The following CEP128 variants were observed in gnomAD, a reference collection of about 807,000 sequenced individuals.
The protein encoded by CEP128 is centrosomal protein 128, also known as centrosomal protein 128kDa.
CEP128 carries 132 observed loss-of-function variants against 156.7 expected under a neutral mutation model. The observed-to-expected ratio is 0.84, with a 90% CI of 0.73 to 0.97. The LOEUF (loss-of-function observed/expected upper bound fraction) is 0.97, where lower values mean the gene tolerates loss of function less well. Ranked by LOEUF, CEP128 falls within the 50% of genes least tolerant of loss-of-function variation. CEP128 has a pLI of 0.00. For missense variants in CEP128, 1,252 were observed against 1,281.9 expected, an observed-to-expected ratio of 0.98 and a Z score of 0.36; for synonymous variants, 469 against 448.9, an observed-to-expected ratio of 1.04 and a Z score of -0.57.
chr14:80,720,587 A>G (rs531535100), intron 19 of CEP128, among the ~76,000 whole-genome samples: 29 of 152,340 alleles, frequency 1.9e-4, no homozygotes, highest in African/African-American at 6.0e-4. Context: ...AGATTGTCCG[A>G]GAAATTATGT....
chr14:80,625,978 T>C (rs748299924), intron 19 of CEP128, among the ~76,000 whole-genome samples: 2 of 152,156 alleles, frequency 1.3e-5, no homozygotes, highest in Non-Finnish European at 2.9e-5. Context: ...TAAAAAGTCA[T>C]AAAATACTAA....
chr14:80,658,371 T>C (rs1895263819), intron 19 of CEP128, among the ~76,000 whole-genome samples: 1 of 152,152 alleles, frequency 6.6e-6, no homozygotes, highest in Admixed American at 6.5e-5. Flanking sequence ...AAATTTCCCT[T>C]GGCTACATTC....
intron 19 of CEP128, among the ~76,000 whole-genome samples, chr14:80,599,265 CTTTTTTTTTTTTT>C (rs375136337): frequency 3.5e-5 from 3 of 85,406 alleles, no homozygotes; most frequent in African/African-American, 1.4e-4. Flanking sequence ...CAGTCATATT[CTTTTTTTTTTTTT>C]TTTTTTTTTT....
rs148615907 is a variant in CEP128, at chr14:80,932,117, T to C, written c.-16+7268A>G. 7.0e-3 allele frequency among the ~76,000 whole-genome samples: 1,063 copies of C among 152,352 alleles called. 8 individuals are homozygous for C. Among genetic ancestry groups the C allele is most frequent in the Non-Finnish European group, 0.011 (755 of 68,032 alleles). ...TCCTTCACCTGGCACTTCTCTCTCC[T>C]GATGCCATGTGAAGAAGGATGTGTT... On this transcript the variant is annotated intron_variant, in intron 2 of 24. Coordinates refer to ENST00000555265, the MANE Select transcript of CEP128 (RefSeq NM_152446.5).
chr14:80,843,026 C>G (rs555907275), intron 9 of CEP128, among the ~76,000 whole-genome samples: 1 of 151,176 alleles, frequency 6.6e-6, no homozygotes, highest in Non-Finnish European at 1.5e-5. Context: ...ATTCTAAACT[C>G]TCATAGTTAT....
At chr14:80,794,856 T>C (rs1035447277) in intron 13 of CEP128, among the ~76,000 whole-genome samples, 10 of 152,030 alleles carry the variant, frequency 6.6e-5, no homozygotes, top group African/African-American at 2.4e-4. Context: ...TAGGAGGTGA[T>C]GCATAAGCTG....
chr14:80,661,461 C>T (rs569809384), intron 19 of CEP128, among the ~76,000 whole-genome samples: 3 of 152,180 alleles, frequency 2.0e-5, no homozygotes, highest in African/African-American at 7.2e-5. Context: ...ACTGGAGATA[C>T]AGTTCTGATT....
intron 13 of CEP128, among the ~76,000 whole-genome samples, chr14:80,799,464 A>T (rs1883700388): frequency 6.6e-6 from 1 of 152,200 alleles, no homozygotes; most frequent in Non-Finnish European, 1.5e-5. Flanking sequence ...ACAGAGTAAC[A>T]GCGATTTTTA....
intron 8 of CEP128, among the ~76,000 whole-genome samples, chr14:80,889,556 G>A (rs1888979744): frequency 6.6e-6 from 1 of 152,138 alleles, no homozygotes; most frequent in African/African-American, 2.4e-5. Flanking sequence ...AAATGGTGCT[G>A]GGAAAACTGG....
intron 6 of CEP128, among the ~76,000 whole-genome samples, chr14:80,902,947 A>G (rs1047608891): frequency 6.6e-6 from 1 of 152,168 alleles, no homozygotes; most frequent in Non-Finnish European, 1.5e-5. Flanking sequence ...AACAAAACTC[A>G]AAACAAAGAT....
intron 13 of CEP128, among the ~76,000 whole-genome samples, chr14:80,819,333 G>A (rs71416852): frequency 0.34 from 47,409 of 140,062 alleles, 8,524 homozygotes; most frequent in Non-Finnish European, 0.41. Flanking sequence ...TGCAACCTCC[G>A]TCTCCCGGGT....
At chr14:80,587,802 T>C (rs993946386) in intron 19 of CEP128, among the ~76,000 whole-genome samples, 2 of 152,178 alleles carry the variant, frequency 1.3e-5, no homozygotes, top group Non-Finnish European at 2.9e-5. Flanking sequence ...GTAAACATTA[T>C]TTCAAGAATA....
chr14:80,787,455 T>C (rs1038213063), intron 14 of CEP128, among the ~76,000 whole-genome samples: 2 of 151,404 alleles, frequency 1.3e-5, no homozygotes, highest in Admixed American at 6.6e-5. Flanking sequence ...CTTCTCTCAA[T>C]AGCCAGAAAA....
intron 23 of CEP128, among the ~76,000 whole-genome samples, chr14:80,518,920 A>C (rs1336002647): frequency 1.3e-5 from 2 of 152,244 alleles, no homozygotes; most frequent in South Asian, 2.1e-4. Context: ...CAGAGTATGA[A>C]AAAAATAATG....
chr14:80,530,429 A>G (rs1371229569), intron 22 of CEP128, among the ~76,000 whole-genome samples: 2 of 152,240 alleles, frequency 1.3e-5, no homozygotes, highest in Middle Eastern at 3.2e-3. Context: ...GGGAACTACC[A>G]TATCTCTAAA....
intron 19 of CEP128, among the ~76,000 whole-genome samples, chr14:80,740,293 C>T (rs1397234647): frequency 6.6e-6 from 1 of 152,044 alleles, no homozygotes; most frequent in Non-Finnish European, 1.5e-5. Flanking sequence ...CATAGAAACT[C>T]TATGCTAGGT....
intron 19 of CEP128, among the ~76,000 whole-genome samples, chr14:80,655,060 T>C (rs1246809425): frequency 2.0e-5 from 3 of 152,148 alleles, no homozygotes; most frequent in Non-Finnish European, 4.4e-5. Context: ...TCCTTTTAAT[T>C]CTTTGTTCAC....
intron 19 of CEP128, among the ~76,000 whole-genome samples, chr14:80,683,615 G>T (rs1230565731): frequency 6.6e-6 from 1 of 152,078 alleles, no homozygotes; most frequent in Non-Finnish European, 1.5e-5. Context: ...CTACCAATTA[G>T]ACTTAACAGA....
At chr14:80,499,096 T>G (rs1488680516) in intron 24 of CEP128, among the ~76,000 whole-genome samples, 1 of 152,262 alleles carries the variant, frequency 6.6e-6, no homozygotes, top group East Asian at 1.9e-4. Context: ...TGCACTTTCA[T>G]AGAATTAAAT....
Sources: gnomAD v4.1 joint callset for allele counts (sites outside exome capture counted in the v4.1 genomes callset) on GRCh38, gnomAD v4.1.1 for gene constraint, MANE v1.5 for transcripts, NCBI Gene and HGNC (gene_info 2026-07-23, HGNC 2026-07-21) for gene names.